Variants in FBH1 observed in about 807,000 individuals in gnomAD.
The protein encoded by FBH1 is F-box DNA helicase 1.
A neutral mutation model predicts 115.5 loss-of-function variants in FBH1; 43 were observed. The observed-to-expected ratio is 0.37, with a 90% CI of 0.29 to 0.48. FBH1 has a LOEUF of 0.48. Among genes scored for constraint, FBH1 ranks in the 20% least tolerant of loss-of-function variants. The pLI, the probability that FBH1 is intolerant of heterozygous loss-of-function variation, is 0.99. For synonymous variants in FBH1, 524 were observed against 507.8 expected (o/e 1.03, Z -0.43); for missense variants, 1,001 against 1,337.3 (o/e 0.75, Z 3.92).
At chr10:5,892,641 A>G (rs1471215356) in intron 1 of FBH1, among the ~76,000 whole-genome samples, 1 of 152,346 alleles carries the variant, frequency 6.6e-6, no homozygotes, top group East Asian at 1.9e-4. Context: ...TAAAGCCAGA[A>G]ATTATTTTTA....
At chr10:5,902,160 G>A (rs1202078270) in intron 1 of FBH1, among the ~76,000 whole-genome samples, 2 of 151,954 alleles carry the variant, frequency 1.3e-5, no homozygotes, top group Non-Finnish European at 2.9e-5. Flanking sequence ...TGGGGGAGTC[G>A]CTCCTGTCCT....
rs1321684578 is a variant in FBH1, at chr10:5,932,231, T to C, written c.2830-4225T>C. Among the ~76,000 whole-genome samples, 1 of 152,224 alleles carries C rather than the reference T, an allele frequency of 6.6e-6. No homozygotes were observed. The highest frequency in any genetic ancestry group is 2.4e-5 in the African/African-American group (1 of 41,466). On this transcript the variant is annotated intron_variant, in intron 19 of 20. Transcript: ENST00000362091. This position sits in a 1 kb window ranked among gnomAD's most constrained non-coding sequence, Gnocchi z 5.9. ...GACTGTTCTCTGCCTCCACCATTGG[T>C]AGTTATTTTAAACAATTAGCGATTA...
chr10:5,906,034 C>T lies in FBH1; in HGVS notation c.158-3C>T, dbSNP rs1333683269. 6.3e-7 allele frequency: 1 copy of T among 1,599,638 alleles called. No individual in the cohort carries two copies. Among genetic ancestry groups the T allele is most frequent in the Non-Finnish European group, 8.6e-7 (1 of 1,168,056 alleles). ...GTCCATCCTGTTTGGGTTCTCTCTA[C>T]AGGTCAGGGAAGTCAAAGATGCATC... is the stretch of plus-strand genomic sequence containing the variant. On this transcript the variant is annotated splice_polypyrimidine_tract_variant and splice_region_variant and intron_variant, in intron 2 of 20. Transcript: ENST00000362091. This position sits in a 1 kb window ranked among gnomAD's most constrained non-coding sequence, Gnocchi z 7.3.
At position 5,909,298 on chromosome 10, in the gene FBH1, G is replaced by A. The variant is rs771590462; in HGVS notation, c.1020+4G>A. The A allele has an allele frequency of 6.2e-7, 1 of 1,607,078 alleles. No individual in the cohort carries two copies. On this transcript the variant is annotated splice_donor_region_variant and intron_variant, in intron 5 of 20. Coordinates refer to ENST00000362091, the MANE Select transcript of FBH1 (RefSeq NM_178150.3). This position sits in a 1 kb window ranked among gnomAD's most constrained non-coding sequence, Gnocchi z 4.4. ...CGACCTCTACGCTGCTGCCGGGGTA[G>A]GTCTGGAGGCTGCGGGAGAAGGCGG...
rs988365084 is a variant in FBH1 at position 5,917,202 on chromosome 10, G to C, written c.1789-218G>C. Reference sequence around the variant, plus strand: ...ACTGTTATGATCTCTGTCCTGTCACGGGCATGGCACGGCCCGGCTGCTTCC... The same window carrying C: ...ACTGTTATGATCTCTGTCCTGTCACCGGCATGGCACGGCCCGGCTGCTTCC... On this transcript the variant is annotated intron_variant, in intron 10 of 20. Transcript: ENST00000362091. The surrounding 1 kb of genome is among the most constrained non-coding windows in gnomAD (Gnocchi z 5.6). 3 of 568,982 alleles carry C rather than the reference G, an allele frequency of 5.3e-6. No individual in the cohort carries two copies. Among genetic ancestry groups the C allele is most frequent in the Non-Finnish European group, 9.5e-6 (3 of 316,248 alleles). The allele number at this position is 568,982 out of a possible 1,614,324, so 35.2% of individuals were successfully genotyped here.
At chr10:5,904,063 T>C (rs1045775786) in intron 2 of FBH1, among the ~76,000 whole-genome samples, 4 of 151,960 alleles carry the variant, frequency 2.6e-5, no homozygotes, top group African/African-American at 9.7e-5. Context: ...TGGTTGTCTT[T>C]TTTTTTTTTG....
In FBH1 at chr10:5,911,365, G is replaced by A. The variant is rs572378354; in HGVS notation, c.1211+237G>A. Reference sequence around the variant, plus strand: ...GCGGCTGCGAGATACCACTAAGGCTGATTTTACCATCATGGGTCCTGCAGC... The same window carrying A: ...GCGGCTGCGAGATACCACTAAGGCTAATTTTACCATCATGGGTCCTGCAGC... On this transcript the variant is annotated intron_variant, in intron 6 of 20. Transcript: ENST00000362091. The surrounding 1 kb of genome is among the most constrained non-coding windows in gnomAD (Gnocchi z 5.4). 3.2e-4 allele frequency among the ~76,000 whole-genome samples: 48 copies of A among 152,352 alleles called. No individual in the cohort carries two copies. The highest frequency in any genetic ancestry group is 1.1e-3 in the African/African-American group (47 of 41,580).
At position 5,892,169 on chromosome 10, in the gene FBH1, ATTTC is replaced by A. The variant is rs540953041; in HGVS notation, c.1+1828_1+1831del. Among the ~76,000 whole-genome samples, 332 of 152,204 alleles carry A rather than the reference ATTTC, an allele frequency of 2.2e-3. 1 individual carries two copies. Among genetic ancestry groups the A allele is most frequent in the Admixed American group, 3.5e-3 (54 of 15,290 alleles). On this transcript the variant is annotated intron_variant, in intron 1 of 20. Transcript: ENST00000362091. ...TTGCTGTTTTCCGGTTGGGCTGCTC[ATTTC>A]TTTCGTGCAGACTTTTGGAGGTTGT...
chr10:5,892,563 CT>C (rs1378879512), intron 1 of FBH1, among the ~76,000 whole-genome samples: 1 of 152,144 alleles, frequency 6.6e-6, no homozygotes, highest in African/African-American at 2.4e-5. Context: ...ATTCACATGC[CT>C]TTTGAAGACC....
rs892363085 is a variant in FBH1 at position 5,915,258 on chromosome 10, C to T, written c.1397-145C>T. The T allele has an allele frequency of 4.6e-5, 36 of 782,154 alleles. No homozygotes were observed. The highest frequency in any genetic ancestry group is 7.1e-5 in the Non-Finnish European group (36 of 505,030). 48.5% of individuals were successfully genotyped at this position (782,154 alleles called of 1,614,324 possible). On this transcript the variant is annotated intron_variant, in intron 8 of 20. Transcript: ENST00000362091. This position sits in a 1 kb window ranked among gnomAD's most constrained non-coding sequence, Gnocchi z 5.2. ...TTTGAATCTGCTGCTCTTTTGGTGG[C>T]ACTACTTTTACCAGCACTGAAAAAC...
In FBH1 at chr10:5,914,627, A is replaced by G. The variant is rs1318254982; in HGVS notation, c.1396+358A>G. Reference sequence around the variant, plus strand: ...AGGGTTTCAGGAGCTCCCCAGTTTTATAGGGTGATGTCTAGAGGGCCTGCC... The same window carrying G: ...AGGGTTTCAGGAGCTCCCCAGTTTTGTAGGGTGATGTCTAGAGGGCCTGCC... On this transcript the variant is annotated intron_variant, in intron 8 of 20. Transcript: ENST00000362091. The surrounding 1 kb of genome is among the most constrained non-coding windows in gnomAD (Gnocchi z 5.2). Among the ~76,000 whole-genome samples the G allele has an allele frequency of 6.6e-6, 1 of 152,138 alleles. No individual in the cohort carries two copies. Among genetic ancestry groups the G allele is most frequent in the Admixed American group, 6.5e-5 (1 of 15,282 alleles).
chr10:5,901,244 C>T (rs1843329259), intron 1 of FBH1, among the ~76,000 whole-genome samples: 1 of 151,952 alleles, frequency 6.6e-6, no homozygotes, highest in African/African-American at 2.4e-5. Flanking sequence ...GCGACCTCGG[C>T]TCACTGCAAC....
At chr10:5,892,034 A>G (rs551827948) in intron 1 of FBH1, among the ~76,000 whole-genome samples, 1 of 151,798 alleles carries the variant, frequency 6.6e-6, no homozygotes, top group East Asian at 1.9e-4. Context: ...TAACTAAATG[A>G]TAATGTATGT....
rs7917799 is a variant in FBH1 at position 5,921,223 on chromosome 10, C to T, written c.2101-35C>T. 5.9e-4 allele frequency: 941 copies of T among 1,594,524 alleles called. 4 individuals are homozygous for T. The African/African-American group carries it at 0.01, about 17-fold the overall frequency. ...GGAAATGCACGGACACACCACAGGG[C>T]GGGCTGCTGACTCCCTCTGTCTTGT... On this transcript the variant is annotated intron_variant, in intron 13 of 20. Coordinates refer to ENST00000362091, the MANE Select transcript of FBH1 (RefSeq NM_178150.3). The surrounding 1 kb of genome is among the most constrained non-coding windows in gnomAD (Gnocchi z 6.4).
In FBH1 at chr10:5,921,410, T is replaced by C; in HGVS notation, c.2201-38T>C. The C allele has an allele frequency of 6.2e-7, 1 of 1,610,564 alleles. No individual in the cohort carries two copies. Among genetic ancestry groups the C allele is most frequent in the East Asian group, 2.2e-5 (1 of 44,858 alleles). On this transcript the variant is annotated intron_variant, in intron 14 of 20. Transcript: ENST00000362091. The surrounding 1 kb of genome is among the most constrained non-coding windows in gnomAD (Gnocchi z 6.4). ...TGTGTTACAAAAGTTTTCCTCTTTA[T>C]TTCAATTTGCCATAGAGTTTGTGCT...
intron 19 of FBH1, among the ~76,000 whole-genome samples, chr10:5,930,116 C>T (rs867926158): frequency 6.6e-6 from 1 of 152,172 alleles, no homozygotes; most frequent in South Asian, 2.1e-4. Flanking sequence ...CATTCATATA[C>T]AAATCATACC....
In FBH1 at chr10:5,924,336, T is replaced by C; in HGVS notation, c.2424T>C (p.Phe808=). 6.2e-7 allele frequency: 1 copy of C among 1,614,188 alleles called. No homozygotes were observed. Among genetic ancestry groups the C allele is most frequent in the Non-Finnish European group, 8.5e-7 (1 of 1,180,042 alleles). The change falls in exon 17 of 21, where the codon TTT becomes TTC. Residue 808 remains phenylalanine, a synonymous_variant. Coordinates refer to ENST00000362091, the MANE Select transcript of FBH1 (RefSeq NM_178150.3). The surrounding 1 kb of genome is among the most constrained non-coding windows in gnomAD (Gnocchi z 6.2). ...AAAACCTCGTCATTAAAGACAAATTTATCAGAAGATGGGTGCACAAAGAAG... is the reference window on the plus strand; with the variant it reads ...AAAACCTCGTCATTAAAGACAAATTCATCAGAAGATGGGTGCACAAAGAAG... The part of the protein sequence containing the change: ...RKQNLVIKDK[F]IRRWVHKEGF...
At chr10:5,912,360 C>CT (rs1433217993) in intron 6 of FBH1, among the ~76,000 whole-genome samples, 3 of 124,908 alleles carry the variant, frequency 2.4e-5, no homozygotes, top group South Asian at 2.3e-4. Flanking sequence ...GAGGCTCTGT[C>CT]TAAAAAAAAA....
At chr10:5,904,551 A>G (rs1040858866) in intron 2 of FBH1, among the ~76,000 whole-genome samples, 2 of 152,204 alleles carry the variant, frequency 1.3e-5, no homozygotes, top group Non-Finnish European at 1.5e-5. Flanking sequence ...ACTGGATTCA[A>G]CAGTTGGAAG....
Sources: allele counts gnomAD v4.1 joint callset (sites outside exome capture counted in the v4.1 genomes callset), GRCh38; gene constraint gnomAD v4.1.1; non-coding constraint Gnocchi (gnomAD v3.1); transcripts MANE v1.5; gene names NCBI Gene and HGNC (gene_info 2026-07-23, HGNC 2026-07-21).